The following ARHGAP10 variants were observed in gnomAD, a reference collection of about 807,000 sequenced individuals.
ARHGAP10 encodes Rho GTPase activating protein 10.
In ARHGAP10, 87 loss-of-function variants were observed where a neutral mutation model predicts 108.6. That is an observed-to-expected ratio of 0.80 (90% CI 0.67 to 0.96). ARHGAP10 has a LOEUF of 0.96. Among genes scored for constraint, ARHGAP10 ranks in the 40% least tolerant of loss-of-function variants. The pLI, the probability that ARHGAP10 is intolerant of heterozygous loss-of-function variation, is 0.00. For synonymous variants in ARHGAP10, 347 were observed against 341.1 expected, an observed-to-expected ratio of 1.02 and a Z score of -0.19; for missense variants, 939 against 954.5, an observed-to-expected ratio of 0.98 and a Z score of 0.21.
intron 19 of ARHGAP10, among the ~76,000 whole-genome samples, chr4:148,045,738 C>CAAAAAAAAAAA (rs11363800): frequency 1.7e-5 from 1 of 57,520 alleles, no homozygotes; most frequent in African/African-American, 7.5e-5. Context: ...AACTCCATCT[C>CAAAAAAAAAAA]AAAAAAAAAA....
intron 1 of ARHGAP10, among the ~76,000 whole-genome samples, chr4:147,749,102 C>T (rs1006151275): frequency 2.6e-5 from 4 of 152,136 alleles, no homozygotes; most frequent in Non-Finnish European, 5.9e-5. Context: ...AATAAGTATG[C>T]CTTCTATTTT....
chr4:147,999,264 C>T (rs549270430), intron 18 of ARHGAP10, among the ~76,000 whole-genome samples: 159 of 152,346 alleles, frequency 1.0e-3, no homozygotes, highest in African/African-American at 3.5e-3. Flanking sequence ...CACCTGAGAG[C>T]ACAGCAGGAG....
intron 22 of ARHGAP10, among the ~76,000 whole-genome samples, chr4:148,066,256 A>G (rs550050261): frequency 6.6e-6 from 1 of 152,324 alleles, no homozygotes; most frequent in South Asian, 2.1e-4. Context: ...AAACTTTTCC[A>G]GGAATTTCTT....
At chr4:147,812,138 C>T (rs575192044) in intron 1 of ARHGAP10, among the ~76,000 whole-genome samples, 4 of 152,120 alleles carry the variant, frequency 2.6e-5, no homozygotes, top group African/African-American at 9.6e-5. Context: ...GACTAACTCT[C>T]GAGGACTTGG....
chr4:147,832,455 T>G (rs959589212), intron 3 of ARHGAP10, among the ~76,000 whole-genome samples: 2 of 151,760 alleles, frequency 1.3e-5, no homozygotes, highest in Non-Finnish European at 2.9e-5. Flanking sequence ...AAGACCATCC[T>G]GACCAATGTG....
chr4:147,786,593 G>C (rs1349951000), intron 1 of ARHGAP10, among the ~76,000 whole-genome samples: 1 of 152,210 alleles, frequency 6.6e-6, no homozygotes, highest in African/African-American at 2.4e-5. Context: ...TAGGAAAAAA[G>C]TTTTAATGTT....
intron 1 of ARHGAP10, among the ~76,000 whole-genome samples, chr4:147,772,900 T>G (rs763469826): frequency 7.9e-5 from 12 of 152,116 alleles, no homozygotes; most frequent in Non-Finnish European, 1.8e-4. Context: ...TATTTCAGTT[T>G]GAGTCATTGG....
intron 1 of ARHGAP10, among the ~76,000 whole-genome samples, chr4:147,746,552 G>A (rs574032236): frequency 5.4e-4 from 81 of 151,380 alleles, no homozygotes; most frequent in Non-Finnish European, 9.6e-4. Flanking sequence ...ACCACTCCCC[G>A]TTAATTTTTG....
chr4:147,785,103 AT>A (rs1560757341), intron 1 of ARHGAP10, among the ~76,000 whole-genome samples: 4 of 147,310 alleles, frequency 2.7e-5, no homozygotes, highest in Non-Finnish European at 6.0e-5. Flanking sequence ...AAAAAAAAGA[AT>A]AACATCTAAG....
chr4:147,926,654 G>T (rs931944199), intron 13 of ARHGAP10, among the ~76,000 whole-genome samples: 3 of 152,202 alleles, frequency 2.0e-5, no homozygotes, highest in African/African-American at 7.2e-5. Context: ...CAAGATGATA[G>T]TGGAGAAAAG....
At position 147,791,694 on chromosome 4, in the gene ARHGAP10, C is replaced by T. The variant is rs952759418; in HGVS notation, c.155-31033C>T. Among the ~76,000 whole-genome samples, 10 of 152,138 alleles carry T rather than the reference C, an allele frequency of 6.6e-5. No homozygotes were observed. The South Asian group carries it at 1.9e-3, about 28-fold the overall frequency. On this transcript the variant is annotated intron_variant, in intron 1 of 22. Transcript: ENST00000336498. ...CCGCCTCCTGGGTTCCAGCGATTCT[C>T]CAGCCTCAGCCTCCCGAGTAGCTGA... is the stretch of plus-strand genomic sequence containing the variant.
At chr4:148,023,468 A>G in intron 19 of ARHGAP10, 55 bp downstream of exon 19, 1 of 1,560,624 alleles carries the variant, frequency 6.4e-7, no homozygotes, top group Non-Finnish European at 8.7e-7. Context: ...ATGGCGTATC[A>G]TATGTCGTCA....
intron 3 of ARHGAP10, among the ~76,000 whole-genome samples, chr4:147,823,694 T>A (rs936051943): frequency 1.6e-4 from 25 of 152,044 alleles, no homozygotes; most frequent in African/African-American, 5.6e-4. Flanking sequence ...GAGGCTGAGG[T>A]TGCAGTGAGC....
At chr4:147,945,469 A>T (rs1027422103) in intron 14 of ARHGAP10, among the ~76,000 whole-genome samples, 34 of 152,226 alleles carry the variant, frequency 2.2e-4, no homozygotes, top group African/African-American at 8.0e-4. Context: ...AGTTAGAATG[A>T]ATGTCTAGAG....
intron 18 of ARHGAP10, among the ~76,000 whole-genome samples, chr4:147,967,866 G>C (rs1355972479): frequency 6.6e-6 from 1 of 152,188 alleles, no homozygotes; most frequent in Non-Finnish European, 1.5e-5. Flanking sequence ...TGCGTATTCT[G>C]TTAAATTTTT....
intron 1 of ARHGAP10, among the ~76,000 whole-genome samples, chr4:147,788,380 G>C (rs1349755308): frequency 6.6e-6 from 1 of 152,172 alleles, no homozygotes; most frequent in East Asian, 1.9e-4. Flanking sequence ...CTGGGAGACG[G>C]AGGTTGCAGT....
intron 19 of ARHGAP10, among the ~76,000 whole-genome samples, chr4:148,034,587 C>G (rs1237532929): frequency 2.0e-5 from 3 of 152,046 alleles, no homozygotes; most frequent in Non-Finnish European, 4.4e-5. Context: ...CTTCGGCCTC[C>G]CAGAGTGCCG....
chr4:147,979,265 G>A (rs2149625675), intron 18 of ARHGAP10, among the ~76,000 whole-genome samples: 1 of 152,304 alleles, frequency 6.6e-6, no homozygotes, highest in East Asian at 1.9e-4. Flanking sequence ...TCATTCTGCT[G>A]CATAGAGTTA....
intron 1 of ARHGAP10, among the ~76,000 whole-genome samples, chr4:147,816,083 A>G (rs1732230982): frequency 6.6e-6 from 1 of 152,204 alleles, no homozygotes; most frequent in Non-Finnish European, 1.5e-5. Flanking sequence ...ATCTGTGGCC[A>G]AAGACAGTTG....
Sources: allele counts gnomAD v4.1 joint callset (sites outside exome capture counted in the v4.1 genomes callset), GRCh38; gene constraint gnomAD v4.1.1; transcripts MANE v1.5; gene names NCBI Gene and HGNC (gene_info 2026-07-23, HGNC 2026-07-21).